Variants in SERPINB5 observed in about 807,000 individuals in gnomAD.
SERPINB5 encodes the protein serpin family B member 5.
In SERPINB5, 27 loss-of-function variants were observed where a neutral mutation model predicts 32.2. The observed-to-expected ratio is 0.84, with a 90% CI of 0.62 to 1.16. The LOEUF (loss-of-function observed/expected upper bound fraction) is 1.16. SERPINB5 is among the 50% of genes most tolerant of loss of function. The probability of loss-of-function intolerance (pLI) is 0.00; values close to 1 mark genes in which losing one functional copy is unlikely to be tolerated. For missense variants in SERPINB5, 388 were observed against 436.3 expected (o/e 0.89, Z 0.99); for synonymous variants, 154 against 157.4 (o/e 0.98, Z 0.16).
intron 6 of SERPINB5, among the ~76,000 whole-genome samples, chr18:63,502,901 G>A (rs1257082167): frequency 6.6e-6 from 1 of 152,042 alleles, no homozygotes; most frequent in Admixed American, 6.6e-5. Context: ...GAGTGTGCCT[G>A]TAATCCCAGC....
At chr18:63,490,700 T>C (rs1909316220) in intron 4 of SERPINB5, 1 of 152,114 alleles carries the variant, frequency 6.6e-6, no homozygotes, top group African/African-American at 2.4e-5. Context: ...GTCTCTGGAG[T>C]CATTCAGCAC....
intron 4 of SERPINB5, among the ~76,000 whole-genome samples, chr18:63,492,483 A>C (rs1909361015): frequency 6.6e-6 from 1 of 152,228 alleles, no homozygotes; most frequent in Non-Finnish European, 1.5e-5. Flanking sequence ...GCCATAAAGA[A>C]AGTGATTACG....
At chr18:63,483,515 C>T (rs545127298) in intron 1 of SERPINB5, among the ~76,000 whole-genome samples, 34 of 152,372 alleles carry the variant, frequency 2.2e-4, no homozygotes, top group African/African-American at 8.2e-4. Flanking sequence ...GCAACAGAAG[C>T]TTTATTCACC....
chr18:63,488,770 C>T lies in SERPINB5; in HGVS notation c.307-577C>T, dbSNP rs1917254062. 4.6e-5 allele frequency among the ~76,000 whole-genome samples: 7 copies of T among 152,304 alleles called. No individual in the cohort carries two copies. In the South Asian group the frequency reaches 1.4e-3, roughly 32 times the overall value. ...AGAATAAGAACTCCTGTTATGTTCT[C>T]TCCTGCATTGTGTTTCCAACCTTAA... is the stretch of plus-strand genomic sequence containing the variant. On this transcript the variant is annotated intron_variant, in intron 3 of 6. Coordinates refer to ENST00000382771, the MANE Select transcript of SERPINB5 (RefSeq NM_002639.5).
Position 63,485,050 on chromosome 18 carries a change from G to A in SERPINB5, c.168+454G>A, listed in dbSNP as rs568870834. On this transcript the variant is annotated intron_variant, in intron 2 of 6. Coordinates refer to ENST00000382771, the MANE Select transcript of SERPINB5 (RefSeq NM_002639.5). ...AATTTATTTTTAAATGTGAAAGCTC[G>A]CTTGTAGGTAATGCAACTCACATCT... Among the ~76,000 whole-genome samples, 58 of 152,196 alleles carry A rather than the reference G, an allele frequency of 3.8e-4. 1 individual carries two copies. Among genetic ancestry groups the A allele is most frequent in the African/African-American group, 1.3e-3 (54 of 41,526 alleles).
intron 6 of SERPINB5, among the ~76,000 whole-genome samples, chr18:63,499,761 G>A (rs1052345388): frequency 1.3e-5 from 2 of 152,092 alleles, no homozygotes; most frequent in Non-Finnish European, 2.9e-5. Flanking sequence ...CGCACTGCCA[G>A]GTCCACTATC....
At chr18:63,489,613 T>C in intron 4 of SERPINB5, 149 bp downstream of exon 4, 2 of 585,732 alleles carry the variant, frequency 3.4e-6, no homozygotes, top group Non-Finnish European at 6.0e-6. Context: ...TTCAAGCCTG[T>C]AAACAACTTG....
At chr18:63,480,575 G>A (rs1568107362) in intron 1 of SERPINB5, among the ~76,000 whole-genome samples, 1 of 152,210 alleles carries the variant, frequency 6.6e-6, no homozygotes, top group Non-Finnish European at 1.5e-5. Flanking sequence ...AATGGTCTGT[G>A]TAGGAAGTTT....
At chr18:63,501,442 A>G (rs1909570410) in intron 6 of SERPINB5, among the ~76,000 whole-genome samples, 1 of 152,072 alleles carries the variant, frequency 6.6e-6, no homozygotes, top group Non-Finnish European at 1.5e-5. Context: ...CCAGTCTATC[A>G]TTATTGGACA....
Position 63,492,839 on chromosome 18 carries a change from C to G in SERPINB5, c.425-114C>G, listed in dbSNP as rs1230221245. On this transcript the variant is annotated intron_variant, in intron 4 of 6. Transcript: ENST00000382771. ...AAATTTGATGGTTGGAACCATCAGGCCTTACATGGTGTGACTCCATGAAGT... is the reference window on the plus strand; with the variant it reads ...AAATTTGATGGTTGGAACCATCAGGGCTTACATGGTGTGACTCCATGAAGT... The G allele has an allele frequency of 5.4e-6, 7 of 1,286,792 alleles. No homozygotes were observed. The East Asian group carries it at 1.6e-4, about 30-fold the overall frequency. The allele number at this position is 1,286,792 out of a possible 1,614,324, so 79.7% of individuals were successfully genotyped here. A position where few individuals can be genotyped will look rare whatever the true frequency, so the allele number is the denominator to read the frequency against.
intron 6 of SERPINB5, among the ~76,000 whole-genome samples, chr18:63,501,013 T>G (rs1439177382): frequency 6.6e-6 from 1 of 152,122 alleles, no homozygotes; most frequent in Non-Finnish European, 1.5e-5. Context: ...ATTTTCTTCT[T>G]CTTCTTCTTT....
chr18:63,497,543 G>A, intron 5 of SERPINB5: 1 of 400,350 alleles, frequency 2.5e-6, no homozygotes, highest in South Asian at 3.3e-5. Flanking sequence ...AGCTCAAAGG[G>A]ACTTAGAGAT....
chr18:63,500,089 C>T (rs1326985696), intron 6 of SERPINB5, among the ~76,000 whole-genome samples: 4 of 151,874 alleles, frequency 2.6e-5, no homozygotes, highest in African/African-American at 7.3e-5. Context: ...TGGTAGCTCA[C>T]TCTAACCTCA....
At chr18:63,499,638 G>A (rs1181195737) in intron 6 of SERPINB5, among the ~76,000 whole-genome samples, 2 of 152,134 alleles carry the variant, frequency 1.3e-5, no homozygotes, top group East Asian at 3.9e-4. Context: ...TACATAATTA[G>A]TCAAGGGTGT....
chr18:63,491,538 G>A (rs961319969), intron 4 of SERPINB5, among the ~76,000 whole-genome samples: 4 of 149,772 alleles, frequency 2.7e-5, no homozygotes, highest in Admixed American at 1.3e-4. Flanking sequence ...GCAGCGGCAC[G>A]ATCTTGGCTT....
At chr18:63,482,584 T>A (rs1268729325) in intron 1 of SERPINB5, among the ~76,000 whole-genome samples, 1 of 152,224 alleles carries the variant, frequency 6.6e-6, no homozygotes, top group Non-Finnish European at 1.5e-5. Context: ...AAGCCCTGAC[T>A]GCCTGAATTT....
chr18:63,479,636 G>C (rs780994317), intron 1 of SERPINB5, among the ~76,000 whole-genome samples: 1 of 152,136 alleles, frequency 6.6e-6, no homozygotes, highest in Non-Finnish European at 1.5e-5. Flanking sequence ...ATAGTGACTT[G>C]GGTGCTCATC....
At chr18:63,500,476 T>C (rs1458231643) in intron 6 of SERPINB5, among the ~76,000 whole-genome samples, 1 of 152,024 alleles carries the variant, frequency 6.6e-6, no homozygotes, top group African/African-American at 2.4e-5. Flanking sequence ...ATAGTACACA[T>C]TATATATAAG....
chr18:63,484,454 C>T lies in SERPINB5; in HGVS notation c.26C>T (p.Ser9Leu), dbSNP rs374163653. Reference sequence around the variant, plus strand: ...ATGGATGCCCTGCAACTAGCAAATTCGGCTTTTGCCGTTGATCTGTTCAAA... The same window carrying T: ...ATGGATGCCCTGCAACTAGCAAATTTGGCTTTTGCCGTTGATCTGTTCAAA... MDALQLANSAFAVDLFKQL... is the reference protein window; with the variant it reads MDALQLANLAFAVDLFKQL... Residue 9 changes from serine to leucine, a missense_variant, in exon 2 of 7, where the codon TCG becomes TTG. Coordinates refer to ENST00000382771, the MANE Select transcript of SERPINB5 (RefSeq NM_002639.5). 8.8e-5 allele frequency: 142 copies of T among 1,613,144 alleles called. No homozygotes were observed. The highest frequency in any genetic ancestry group is 1.1e-4 in the Non-Finnish European group (130 of 1,179,666).
Sources: allele counts gnomAD v4.1 joint callset (sites outside exome capture counted in the v4.1 genomes callset), GRCh38; gene constraint gnomAD v4.1.1; transcripts MANE v1.5; gene names NCBI Gene and HGNC (gene_info 2026-07-23, HGNC 2026-07-21).